Variants in EXOC6B observed in about 807,000 individuals in gnomAD.
EXOC6B encodes exocyst complex component 6B.
Under a neutral mutation model 113.5 loss-of-function variants are expected in EXOC6B, and 54 were observed. The observed-to-expected ratio is 0.48, with a 90% CI of 0.38 to 0.60. The LOEUF (loss-of-function observed/expected upper bound fraction) is 0.60. Among genes scored for constraint, EXOC6B ranks in the 20% least tolerant of loss-of-function variants. The pLI is 0.00. For synonymous variants in EXOC6B, 357 were observed against 339.0 expected, an observed-to-expected ratio of 1.05 and a Z score of -0.58; for missense variants, 797 against 977.5, an observed-to-expected ratio of 0.82 and a Z score of 2.46.
chr2:72,242,664 T>TAAATGCC (rs2104512152), intron 20 of EXOC6B, among the ~76,000 whole-genome samples: 2 of 152,298 alleles, frequency 1.3e-5, no homozygotes, highest in African/African-American at 4.8e-5. Context: ...CAAAACGGTC[T>TAAATGCC]AAATGCCAAT....
chr2:72,734,504 T>C (rs1213864953), intron 2 of EXOC6B, among the ~76,000 whole-genome samples: 11 of 152,316 alleles, frequency 7.2e-5, no homozygotes, highest in Admixed American at 2.0e-4. Context: ...GTAAATATTT[T>C]AGGCTTTGCA....
At chr2:72,595,939 T>C (rs1215550219) in intron 6 of EXOC6B, among the ~76,000 whole-genome samples, 1 of 152,104 alleles carries the variant, frequency 6.6e-6, no homozygotes, top group Non-Finnish European at 1.5e-5. Flanking sequence ...CCTAGAAAGA[T>C]TCCTGAACTT....
At chr2:72,420,605 T>C (rs1694815976) in intron 18 of EXOC6B, among the ~76,000 whole-genome samples, 2 of 152,222 alleles carry the variant, frequency 1.3e-5, no homozygotes, top group African/African-American at 4.8e-5. Flanking sequence ...CCATGGTGTA[T>C]ATGTGCCACA....
At chr2:72,340,913 G>C (rs1688993911) in intron 19 of EXOC6B, among the ~76,000 whole-genome samples, 2 of 152,062 alleles carry the variant, frequency 1.3e-5, no homozygotes, top group Admixed American at 1.3e-4. Flanking sequence ...GTACTCCACA[G>C]GGAATCCAAT....
At chr2:72,630,816 A>G (rs1429389084) in intron 6 of EXOC6B, among the ~76,000 whole-genome samples, 1 of 152,210 alleles carries the variant, frequency 6.6e-6, no homozygotes, top group Non-Finnish European at 1.5e-5. Flanking sequence ...TAGCAATCCT[A>G]AATCATACTA....
chr2:72,673,617 C>CACACTAG (rs1676067556), intron 6 of EXOC6B, among the ~76,000 whole-genome samples: 1 of 152,028 alleles, frequency 6.6e-6, no homozygotes, highest in Admixed American at 6.6e-5. Context: ...GATTATTTAG[C>CACACTAG]ACACTAGACC....
intron 20 of EXOC6B, among the ~76,000 whole-genome samples, chr2:72,233,644 A>T (rs902509120): frequency 2.6e-5 from 4 of 152,198 alleles, no homozygotes; most frequent in Admixed American, 6.5e-5. Flanking sequence ...TAGGTCCTAG[A>T]GCAGACCAGA....
chr2:72,816,106 C>CA (rs1686227102), intron 1 of EXOC6B, among the ~76,000 whole-genome samples: 1 of 152,174 alleles, frequency 6.6e-6, no homozygotes, highest in African/African-American at 2.4e-5. Context: ...TTGCAGTAAG[C>CA]AGAGATTGCG....
At chr2:72,640,161 T>C (rs1573535661) in intron 6 of EXOC6B, among the ~76,000 whole-genome samples, 1 of 152,086 alleles carries the variant, frequency 6.6e-6, no homozygotes, top group African/African-American at 2.4e-5. Context: ...ACAGCCAGTA[T>C]AGAAAAGATG....
chr2:72,178,607 C>T lies in EXOC6B; in HGVS notation c.*728G>A, dbSNP rs1454545738. ...TCCAGAAAAACTCTTCGAGTTGAGA[C>T]TCAACACTCCTAGAGCTGGGGCAAT... is the stretch of plus-strand genomic sequence containing the variant. On this transcript the variant is annotated 3_prime_UTR_variant, in exon 22 of 22. Coordinates refer to ENST00000272427, the MANE Select transcript of EXOC6B (RefSeq NM_015189.3). The T allele has an allele frequency of 6.6e-6, 1 of 152,218 alleles. No individual in the cohort carries two copies. The highest frequency in any genetic ancestry group is 2.4e-5 in the African/African-American group (1 of 41,454). The allele number at this position is 152,218 out of a possible 1,614,324, so 9.4% of individuals were successfully genotyped here. A position where few individuals can be genotyped will look rare whatever the true frequency, so the allele number is the denominator to read the frequency against.
At chr2:72,592,925 C>G (rs1250904815) in intron 6 of EXOC6B, among the ~76,000 whole-genome samples, 1 of 152,108 alleles carries the variant, frequency 6.6e-6, no homozygotes, top group African/African-American at 2.4e-5. Context: ...CTAGAGGAAT[C>G]AACCACAGGA....
chr2:72,431,658 A>T (rs1293450606), intron 18 of EXOC6B, among the ~76,000 whole-genome samples: 1 of 151,956 alleles, frequency 6.6e-6, no homozygotes, highest in Non-Finnish European at 1.5e-5. Flanking sequence ...TTTTATTATT[A>T]TTATTCTACT....
At chr2:72,683,334 G>C (rs1214915411) in intron 6 of EXOC6B, among the ~76,000 whole-genome samples, 1 of 151,996 alleles carries the variant, frequency 6.6e-6, no homozygotes, top group Non-Finnish European at 1.5e-5. Context: ...CCAATGTCCA[G>C]TAACAGAGGA....
intron 18 of EXOC6B, among the ~76,000 whole-genome samples, chr2:72,458,299 C>G (rs978255388): frequency 6.6e-6 from 1 of 152,156 alleles, no homozygotes; most frequent in Non-Finnish European, 1.5e-5. Context: ...ATCTTAGACA[C>G]AGCTCTGTTT....
intron 19 of EXOC6B, among the ~76,000 whole-genome samples, chr2:72,370,276 A>G (rs566289228): frequency 6.7e-4 from 102 of 152,312 alleles, no homozygotes; most frequent in African/African-American, 2.4e-3. Flanking sequence ...CATCATCACT[A>G]GCCATCAGAG....
chr2:72,190,976 C>T (rs1321582002), intron 20 of EXOC6B, among the ~76,000 whole-genome samples: 4 of 152,110 alleles, frequency 2.6e-5, no homozygotes, highest in African/African-American at 9.7e-5. Flanking sequence ...GCAAACTCAA[C>T]CCATCATTAA....
intron 7 of EXOC6B, among the ~76,000 whole-genome samples, chr2:72,575,257 C>T (rs776670950): frequency 1.2e-4 from 18 of 152,080 alleles, no homozygotes; most frequent in Non-Finnish European, 2.2e-4. Flanking sequence ...AACCCTGAAA[C>T]TTTTCAAAAT....
At chr2:72,371,933 C>T (rs1691048761) in intron 19 of EXOC6B, among the ~76,000 whole-genome samples, 2 of 152,038 alleles carry the variant, frequency 1.3e-5, no homozygotes, top group African/African-American at 4.8e-5. Context: ...AACCTAAAGC[C>T]TCCACCAAAA....
At chr2:72,484,229 G>A (rs1699284108) in intron 16 of EXOC6B, among the ~76,000 whole-genome samples, 2 of 151,454 alleles carry the variant, frequency 1.3e-5, no homozygotes, top group South Asian at 2.1e-4. Context: ...GTATGTCATG[G>A]TGGTTTGCTG....
Sources: allele counts gnomAD v4.1 joint callset (sites outside exome capture counted in the v4.1 genomes callset), GRCh38; gene constraint gnomAD v4.1.1; transcripts MANE v1.5; gene names NCBI Gene and HGNC (gene_info 2026-07-23, HGNC 2026-07-21).